Variants in PLOD3 observed in about 807,000 individuals in gnomAD.
PLOD3 encodes multifunctional procollagen lysine hydroxylase and glycosyltransferase LH3.
In PLOD3, 73 loss-of-function variants were observed where a neutral mutation model predicts 96.9. The ratio of observed to expected loss-of-function variants is 0.75; its 90% CI spans 0.62 to 0.92. The LOEUF (loss-of-function observed/expected upper bound fraction) is 0.92, where lower values mean the gene tolerates loss of function less well. Ranked by LOEUF, PLOD3 falls within the 40% of genes least tolerant of loss-of-function variation. PLOD3 has a pLI of 0.00. For synonymous variants in PLOD3, 454 were observed against 413.7 expected (o/e 1.10, Z -1.18); for missense variants, 1,004 against 1,004.3 (o/e 1.00, Z 0.00).
rs369002471 is a variant in PLOD3 at position 101,208,957 on chromosome 7, G to A, written c.1684C>T (p.Pro562Ser). The A allele has an allele frequency of 1.2e-6, 2 of 1,607,732 alleles. No individual in the cohort carries two copies. Among genetic ancestry groups the A allele is most frequent in the African/African-American group, 1.3e-5 (1 of 74,942 alleles). The change falls in exon 16 of 19, where the codon CCA becomes TCA. Residue 562 changes from proline to serine, a missense_variant and splice_region_variant. Pro to Ser is a moderately conservative substitution (Grantham distance 74). Coordinates refer to ENST00000223127, the MANE Select transcript of PLOD3 (RefSeq NM_001084.5). ...GGGAACCAGTACACGTCCGGGCATG[G>A]CTGAGGATGGGGCGAGGGAGAACAG... The part of the protein sequence containing the change: ...ALEGEGIVEQ[P>S]CPDVYWFPLL...
At position 101,207,656 on chromosome 7, in the gene PLOD3, G is replaced by A. The variant is rs766426637; in HGVS notation, c.1857C>T (p.Tyr619=). ...GCAGCAGCTGCAGCCACTGGTCCTC[G>A]TACCCCACCTGCTTCATGTGGATGT... ...TVDIHMKQVG[Y]EDQWLQLLRT... is the part of the protein sequence containing the mutation. Residue 619 remains tyrosine, a synonymous_variant, in exon 17 of 19, where the codon TAC becomes TAT. Transcript: ENST00000223127. The A allele has an allele frequency of 3.0e-5, 49 of 1,613,862 alleles. No homozygotes were observed. The highest frequency in any genetic ancestry group is 1.1e-4 in the East Asian group (5 of 44,842).
chr7:101,214,747 G>C (rs2116808595), intron 6 of PLOD3, among the ~76,000 whole-genome samples: 1 of 152,280 alleles, frequency 6.6e-6, no homozygotes. Flanking sequence ...TGAGGCAGAA[G>C]AATCACTTGA....
Position 101,217,544 on chromosome 7 carries a change from A to G in PLOD3, c.-270T>C. On this transcript the variant is annotated 5_prime_UTR_variant, in exon 1 of 19. Coordinates refer to ENST00000223127, the MANE Select transcript of PLOD3 (RefSeq NM_001084.5). The stretch of plus-strand genomic sequence containing the variant: ...GGCGGCTCGGGCCGGCGGGCGGGAG[A>G]CAGGGACTCTGGGCTGAGCCAGCCG... The G allele has an allele frequency of 2.1e-6, 1 of 469,994 alleles. No individual in the cohort carries two copies. Among genetic ancestry groups the G allele is most frequent in the Non-Finnish European group, 3.7e-6 (1 of 266,998 alleles). 29.1% of individuals were successfully genotyped at this position (469,994 alleles called of 1,614,324 possible). A position where few individuals can be genotyped will look rare whatever the true frequency, so the allele number is the denominator to read the frequency against.
chr7:101,212,830 C>G lies in PLOD3; in HGVS notation c.879+12G>C, dbSNP rs531990074. ...TGCCCTCTCGTGCCCCTCCCTGGCACCCCCACCTCACCTGCCCCCCCGGGA... is the reference window on the plus strand; with the variant it reads ...TGCCCTCTCGTGCCCCTCCCTGGCAGCCCCACCTCACCTGCCCCCCCGGGA... On this transcript the variant is annotated intron_variant, in intron 8 of 18. Transcript: ENST00000223127. The G allele has an allele frequency of 6.2e-7, 1 of 1,601,288 alleles. No homozygotes were observed. Among genetic ancestry groups the G allele is most frequent in the East Asian group, 2.2e-5 (1 of 44,810 alleles).
At chr7:101,206,980 C>A (rs1798096864) in intron 17 of PLOD3, 76 bp from the exon 18 acceptor site, 5 of 1,483,470 alleles carry the variant, frequency 3.4e-6, no homozygotes, top group Admixed American at 4.1e-5. Context: ...TATTATTATT[C>A]TTTTGAGATA....
In PLOD3 at chr7:101,217,150, C is replaced by A; in HGVS notation, c.109+16G>T. The A allele has an allele frequency of 6.9e-7, 1 of 1,455,908 alleles. No individual in the cohort carries two copies. The highest frequency in any genetic ancestry group is 1.4e-5 in the African/African-American group (1 of 70,306). 90.2% of individuals were successfully genotyped at this position (1,455,908 alleles called of 1,614,324 possible). On this transcript the variant is annotated intron_variant, in intron 1 of 18. Transcript: ENST00000223127. ...CTCTGCCCCCTCGGCCGTGCCGGGC[C>A]TCCCCGGGATCTCACCTGGGTTGAC...
At chr7:101,207,493 G>T in intron 17 of PLOD3, 85 bp downstream of exon 17, 1 of 1,410,646 alleles carries the variant, frequency 7.1e-7, no homozygotes. Context: ...AATGCTGCCG[G>T]GGCCGAAAGG....
At position 101,216,729 on chromosome 7, in the gene PLOD3, A is replaced by C. The variant is rs1798283097; in HGVS notation, c.167T>G (p.Leu56Arg). Residue 56 changes from leucine (L) to arginine (R), a missense_variant, in exon 2 of 19, where the codon CTG (leucine) becomes CGG (arginine). Physicochemically the swap from Leu to Arg is moderately radical, Grantham distance 102. Coordinates refer to ENST00000223127, the MANE Select transcript of PLOD3 (RefSeq NM_001084.5). ...TAETEGYLRF[L>R]RSAEFFNYTV... ...GTAGTTGAAGAACTCCGCAGAGCGC[A>C]GGAAACGCAGGTACCCCTCGGTTTC... 1.2e-6 allele frequency: 2 copies of C among 1,613,956 alleles called. No homozygotes were observed. Among genetic ancestry groups the C allele is most frequent in the Non-Finnish European group, 1.7e-6 (2 of 1,179,874 alleles).
In PLOD3 at chr7:101,206,221, G is replaced by A. The variant is rs186199884; in HGVS notation, c.*60C>T. On this transcript the variant is annotated 3_prime_UTR_variant, in exon 19 of 19. Transcript: ENST00000223127. ...AGACCCATCCCCCAACTCCCAGGAC[G>A]GGGGCCAGGCCCCCTAAAAAGGCAC... The A allele has an allele frequency of 6.0e-5, 93 of 1,562,944 alleles. No individual in the cohort carries two copies. The Admixed American group carries it at 6.7e-4, about 11-fold the overall frequency.
chr7:101,210,778 A>C (rs1436726576), intron 12 of PLOD3, 105 bp from the exon 13 acceptor site: 19 of 1,278,922 alleles, frequency 1.5e-5, no homozygotes, highest in Non-Finnish European at 1.9e-5. Flanking sequence ...GTCCCTGAAC[A>C]TAAGGCCCCT....
At chr7:101,215,772 G>A in intron 5 of PLOD3, 136 bp downstream of exon 5, 1 of 705,122 alleles carries the variant, frequency 1.4e-6, no homozygotes, top group South Asian at 1.5e-5. Context: ...AAAAGTCTTG[G>A]ATGACAGGCG....
chr7:101,207,598 A>T lies in PLOD3; in HGVS notation c.1915T>A (p.Phe639Ile). Residue 639 changes from phenylalanine (F) to isoleucine (I), a missense_variant, in exon 17 of 19, where the codon TTT becomes ATT. By Grantham distance (21) the Phe-to-Ile change is conservative. Transcript: ENST00000223127. ...TYVGPMTESL[F>I]PGYHTKARAV... ...CGCACCTTGGTGTGGTAACCGGGAA[A>T]CAGGCTCTCGGTCATGGGGCCCACA... 1 of 1,613,980 alleles carries T rather than the reference A, an allele frequency of 6.2e-7. No homozygotes were observed. Among genetic ancestry groups the T allele is most frequent in the South Asian group, 1.1e-5 (1 of 91,076 alleles).
At chr7:101,208,768 C>G (rs919989751) in intron 16 of PLOD3, 85 bp downstream of exon 16, 1 of 922,458 alleles carries the variant, frequency 1.1e-6, no homozygotes, top group African/African-American at 1.6e-5. Context: ...TCTTTGCTCC[C>G]ATTTTCCTGA....
At chr7:101,215,283 A>C in intron 5 of PLOD3, 131 bp from the exon 6 acceptor site, 1 of 757,708 alleles carries the variant, frequency 1.3e-6, no homozygotes, top group Non-Finnish European at 2.4e-6. Flanking sequence ...GCACGATCTC[A>C]GCTCACTGCA....
chr7:101,217,102 G>T, intron 1 of PLOD3, 64 bp downstream of exon 1: 4 of 1,427,748 alleles, frequency 2.8e-6, no homozygotes, highest in Non-Finnish European at 3.7e-6. Context: ...CCCTCTCCGG[G>T]CCAGGCTGGC....
chr7:101,210,176 G>A lies in PLOD3; in HGVS notation c.1615-15C>T, dbSNP rs752005665. 4.4e-6 allele frequency: 7 copies of A among 1,596,502 alleles called. No homozygotes were observed. Among genetic ancestry groups the A allele is most frequent in the Middle Eastern group, 1.7e-4 (1 of 6,016 alleles). On this transcript the variant is annotated splice_polypyrimidine_tract_variant and intron_variant, in intron 14 of 18. Transcript: ENST00000223127. The stretch of plus-strand genomic sequence containing the variant: ...TCCTTCCAGTCCTGTGAGAGGGTGG[G>A]GGGCACATCAGATCTGTGCCCCCCT...
intron 8 of PLOD3, 39 bp downstream of exon 8, chr7:101,212,803 G>A (rs370098965): frequency 4.7e-5 from 74 of 1,562,016 alleles, no homozygotes; most frequent in South Asian, 7.8e-5. Flanking sequence ...TGCTCAGCAC[G>A]CTGCCCTCTC....
chr7:101,216,702 G>T lies in PLOD3; in HGVS notation c.194C>A (p.Thr65Asn). ...FLRSAEFFNY[T>N]VRTLGLGEEW... The stretch of plus-strand genomic sequence containing the variant: ...GCCTTTCCCTCTCCTCACCCGCACA[G>T]TGTAGTTGAAGAACTCCGCAGAGCG... Residue 65 changes from threonine to asparagine, a missense_variant, in exon 2 of 19, where the codon ACT becomes AAT. Physicochemically the swap from Thr to Asn is moderately conservative, Grantham distance 65. Coordinates refer to ENST00000223127, the MANE Select transcript of PLOD3 (RefSeq NM_001084.5). 6.2e-7 allele frequency: 1 copy of T among 1,613,434 alleles called. No homozygotes were observed. Among genetic ancestry groups the T allele is most frequent in the Non-Finnish European group, 8.5e-7 (1 of 1,179,444 alleles).
intron 16 of PLOD3, 82 bp from the exon 17 acceptor site, chr7:101,207,806 G>T (rs78209333): frequency 5.4e-6 from 8 of 1,481,480 alleles, no homozygotes; most frequent in Non-Finnish European, 7.5e-6. Context: ...CCTTCCTCCC[G>T]TCCTCCAGCC....
Sources: allele counts gnomAD v4.1 joint callset (sites outside exome capture counted in the v4.1 genomes callset), GRCh38; gene constraint gnomAD v4.1.1; transcripts MANE v1.5; gene names NCBI Gene and HGNC (gene_info 2026-07-23, HGNC 2026-07-21).